VAT1L: variants seen among roughly 807,000 people sequenced by gnomAD.
VAT1L encodes vesicle amine transport 1 like.
Under a neutral mutation model 44.1 loss-of-function variants are expected in VAT1L, and 34 were observed. The ratio of observed to expected loss-of-function variants is 0.77; its 90% CI spans 0.59 to 1.03. The LOEUF (loss-of-function observed/expected upper bound fraction) is 1.03, where lower values mean the gene tolerates loss of function less well. VAT1L is among the 50% of genes least tolerant of loss of function. The pLI, the probability that VAT1L is intolerant of heterozygous loss-of-function variation, is 0.00. For missense variants in VAT1L, 615 were observed against 538.8 expected (o/e 1.14, Z -1.40); for synonymous variants, 253 against 202.2 (o/e 1.25, Z -2.13).
intron 1 of VAT1L, among the ~76,000 whole-genome samples, chr16:77,789,293 CTG>C (rs2015789008): frequency 6.6e-6 from 1 of 152,158 alleles, no homozygotes; most frequent in South Asian, 2.1e-4. Flanking sequence ...CGCAAGCCCA[CTG>C]TGTGCCAGCC....
chr16:77,845,743 T>A (rs529331788), intron 3 of VAT1L, among the ~76,000 whole-genome samples: 1 of 152,062 alleles, frequency 6.6e-6, no homozygotes, highest in Non-Finnish European at 1.5e-5. Flanking sequence ...TAGCTCCCCT[T>A]TTTCCTCTGC....
chr16:77,945,201 C>CA (rs1429199906), intron 7 of VAT1L, among the ~76,000 whole-genome samples: 2 of 145,204 alleles, frequency 1.4e-5, no homozygotes, highest in African/African-American at 5.0e-5. Flanking sequence ...TAGAAGAGCA[C>CA]AAAAAACATG....
At chr16:77,926,815 T>C (rs2017674669) in intron 7 of VAT1L, among the ~76,000 whole-genome samples, 1 of 152,092 alleles carries the variant, frequency 6.6e-6, no homozygotes, top group African/African-American at 2.4e-5. Context: ...CCCATTCCGC[T>C]TGCAGTCTCC....
At chr16:77,841,082 C>T (rs1032945773) in intron 3 of VAT1L, among the ~76,000 whole-genome samples, 6 of 152,144 alleles carry the variant, frequency 3.9e-5, no homozygotes, top group Non-Finnish European at 5.9e-5. Context: ...AATAACATGT[C>T]ATTTTTTTGT....
At chr16:77,919,123 GGT>G (rs373222548) in intron 7 of VAT1L, among the ~76,000 whole-genome samples, 1 of 151,972 alleles carries the variant, frequency 6.6e-6, no homozygotes, top group African/African-American at 2.4e-5. Context: ...GAGTTTTGAG[GGT>G]GTGTGTGTGT....
Position 77,977,860 on chromosome 16 carries a change from T to G in VAT1L, c.*165T>G. The G allele has an allele frequency of 1.5e-6, 1 of 650,554 alleles. No individual in the cohort carries two copies. Among genetic ancestry groups the G allele is most frequent in the South Asian group, 1.8e-5 (1 of 54,088 alleles). 40.3% of individuals were successfully genotyped at this position (650,554 alleles called of 1,614,324 possible). A position where few individuals can be genotyped will look rare whatever the true frequency, so the allele number is the denominator to read the frequency against. On this transcript the variant is annotated 3_prime_UTR_variant, in exon 9 of 9. Transcript: ENST00000302536. ...TGTTGATCACTGTTGTTTTTTGAAG[T>G]GCCAATCCCATGCCATGCAGTATTA... is the stretch of plus-strand genomic sequence containing the variant.
At chr16:77,833,818 G>C (rs2016609294) in intron 3 of VAT1L, among the ~76,000 whole-genome samples, 1 of 151,248 alleles carries the variant, frequency 6.6e-6, no homozygotes, top group Non-Finnish European at 1.5e-5. Flanking sequence ...GGTGAGGGGG[G>C]CTTCATTAGA....
At chr16:77,929,617 T>C (rs1014334780) in intron 7 of VAT1L, among the ~76,000 whole-genome samples, 1 of 152,070 alleles carries the variant, frequency 6.6e-6, no homozygotes, top group Non-Finnish European at 1.5e-5. Flanking sequence ...GGGTGACAGA[T>C]AGGGAGTCAG....
chr16:77,825,843 C>A (rs1259016223), intron 3 of VAT1L, among the ~76,000 whole-genome samples: 1 of 132,398 alleles, frequency 7.6e-6, no homozygotes. Flanking sequence ...GGTGAAACCC[C>A]GTCTCTACTA....
chr16:77,977,470 C>T, intron 8 of VAT1L, 127 bp from the exon 9 acceptor site: 2 of 878,408 alleles, frequency 2.3e-6, no homozygotes, highest in Non-Finnish European at 3.5e-6. Flanking sequence ...CCTGCATTGC[C>T]TTCCAGGGAA....
intron 1 of VAT1L, among the ~76,000 whole-genome samples, chr16:77,816,319 G>A (rs1343832011): frequency 6.6e-6 from 1 of 152,202 alleles, no homozygotes; most frequent in Admixed American, 6.5e-5. Context: ...CTCTCTTTGA[G>A]TCCCCTCTCC....
At chr16:77,861,816 A>G (rs1376418037) in intron 3 of VAT1L, among the ~76,000 whole-genome samples, 1 of 152,200 alleles carries the variant, frequency 6.6e-6, no homozygotes, top group African/African-American at 2.4e-5. Flanking sequence ...TTCCTTGCTC[A>G]TGGTTGGGAT....
intron 7 of VAT1L, among the ~76,000 whole-genome samples, chr16:77,894,608 G>C (rs964044129): frequency 6.6e-6 from 1 of 152,112 alleles, no homozygotes; most frequent in African/African-American, 2.4e-5. Flanking sequence ...TCTTTTTGGA[G>C]AGATAAAAAT....
chr16:77,966,122 C>G (rs72796791), intron 7 of VAT1L, among the ~76,000 whole-genome samples: 12,740 of 152,210 alleles, frequency 0.084, 585 homozygotes, highest in African/African-American at 0.11. Context: ...AAGAAAATAT[C>G]TCAAAATTAA....
chr16:77,803,761 T>C (rs2016107783), intron 1 of VAT1L, among the ~76,000 whole-genome samples: 1 of 152,126 alleles, frequency 6.6e-6, no homozygotes, highest in South Asian at 2.1e-4. Flanking sequence ...GAAATAGCTG[T>C]CACGTTGTAG....
chr16:77,844,529 C>T (rs978756569), intron 3 of VAT1L, among the ~76,000 whole-genome samples: 4 of 152,174 alleles, frequency 2.6e-5, no homozygotes, highest in African/African-American at 9.6e-5. Flanking sequence ...CCCCCTTAGC[C>T]TCCCAAGTAG....
chr16:77,916,138 G>A lies in VAT1L; in HGVS notation c.1077+31336G>A, dbSNP rs575221958. 9.9e-5 allele frequency among the ~76,000 whole-genome samples: 15 copies of A among 152,264 alleles called. No individual in the cohort carries two copies. The East Asian group carries it at 2.5e-3, about 26-fold the overall frequency. On this transcript the variant is annotated intron_variant, in intron 7 of 8. Transcript: ENST00000302536. ...GACGAAGAAATGGGGGTAGTAGCAC[G>A]GTAGGGTCTGTACGAAAGGGGGCCA...
Position 77,978,468 on chromosome 16 carries a change from C to A in VAT1L, c.*773C>A, listed in dbSNP as rs143838699. 2 of 152,246 alleles carry A rather than the reference C, an allele frequency of 1.3e-5. No homozygotes were observed. Among genetic ancestry groups the A allele is most frequent in the African/African-American group, 4.8e-5 (2 of 41,464 alleles). The allele number at this position is 152,246 out of a possible 1,614,324, so 9.4% of individuals were successfully genotyped here. A position where few individuals can be genotyped will look rare whatever the true frequency, so the allele number is the denominator to read the frequency against. On this transcript the variant is annotated 3_prime_UTR_variant, in exon 9 of 9. Transcript: ENST00000302536. Reference sequence around the variant, plus strand: ...TATCTGTTTCAATTTTAAGAAAGCACCACATACAAGACACATTCAGAAGTC... The same window carrying A: ...TATCTGTTTCAATTTTAAGAAAGCAACACATACAAGACACATTCAGAAGTC...
intron 7 of VAT1L, among the ~76,000 whole-genome samples, chr16:77,909,589 A>G (rs2017476093): frequency 6.7e-6 from 1 of 148,928 alleles, no homozygotes; most frequent in African/African-American, 2.5e-5. Flanking sequence ...GTGAGCTGAG[A>G]TCGCAACACC....
Sources: gnomAD v4.1 joint callset for allele counts (sites outside exome capture counted in the v4.1 genomes callset) on GRCh38, gnomAD v4.1.1 for gene constraint, MANE v1.5 for transcripts, NCBI Gene and HGNC (gene_info 2026-07-23, HGNC 2026-07-21) for gene names.